KCNQ5: variants seen among roughly 807,000 people sequenced by gnomAD.
KCNQ5 encodes potassium voltage-gated channel subfamily Q member 5, also known as potassium voltage-gated channel subfamily KQT member 5.
Under a neutral mutation model 98.2 loss-of-function variants are expected in KCNQ5, and 30 were observed. The observed-to-expected ratio is 0.31, with a 90% confidence interval of 0.23 to 0.41. The LOEUF (loss-of-function observed/expected upper bound fraction) is 0.41. Among genes scored for constraint, KCNQ5 ranks in the 10% least tolerant of loss-of-function variants. The pLI, the probability that KCNQ5 is intolerant of heterozygous loss-of-function variation, is 1.00. For synonymous variants in KCNQ5, 458 were observed against 449.4 expected, an observed-to-expected ratio of 1.02 and a Z score of -0.24; for missense variants, 835 against 1,182.5, an observed-to-expected ratio of 0.71 and a Z score of 4.31.
At chr6:73,046,796 C>A (rs1771985657) in intron 3 of KCNQ5, among the ~76,000 whole-genome samples, 1 of 152,084 alleles carries the variant, frequency 6.6e-6, no homozygotes, top group Non-Finnish European at 1.5e-5. Context: ...GCACACGCCA[C>A]CACACCCAGC....
chr6:73,075,511 G>A (rs1444823629), intron 3 of KCNQ5, among the ~76,000 whole-genome samples: 1 of 152,130 alleles, frequency 6.6e-6, no homozygotes, highest in East Asian at 1.9e-4. Context: ...GTGAGCCACT[G>A]CGCCCAGCCT....
intron 1 of KCNQ5, among the ~76,000 whole-genome samples, chr6:72,973,038 T>A (rs1024775601): frequency 6.6e-6 from 1 of 152,222 alleles, no homozygotes; most frequent in African/African-American, 2.4e-5. Flanking sequence ...CAAATCTCCC[T>A]GGTTCACTAA....
chr6:72,681,658 T>G (rs2154473830), intron 1 of KCNQ5, among the ~76,000 whole-genome samples: 1 of 152,324 alleles, frequency 6.6e-6, no homozygotes, highest in East Asian at 1.9e-4. Flanking sequence ...AAACCTGTTT[T>G]GCCAGCTTTT....
intron 1 of KCNQ5, among the ~76,000 whole-genome samples, chr6:72,901,628 TG>T (rs1409849862): frequency 6.6e-6 from 1 of 152,322 alleles, no homozygotes; most frequent in East Asian, 1.9e-4. Flanking sequence ...TTTATGTTTT[TG>T]TTTGCTTTGT....
chr6:73,180,819 A>G (rs1003250360), intron 11 of KCNQ5, among the ~76,000 whole-genome samples: 2 of 152,060 alleles, frequency 1.3e-5, no homozygotes, highest in African/African-American at 4.8e-5. Flanking sequence ...CAGTCAATCA[A>G]ACTGCCTCTT....
chr6:72,804,954 T>G (rs1273028762), intron 1 of KCNQ5, among the ~76,000 whole-genome samples: 1 of 152,204 alleles, frequency 6.6e-6, no homozygotes, highest in Non-Finnish European at 1.5e-5. Context: ...GTTTGCAATT[T>G]GTATGTCTTC....
chr6:73,089,601 A>G (rs1317840612), intron 5 of KCNQ5, among the ~76,000 whole-genome samples: 4 of 152,084 alleles, frequency 2.6e-5, no homozygotes, highest in Non-Finnish European at 5.9e-5. Context: ...TCATTGTGAC[A>G]TTCTTATGCC....
intron 1 of KCNQ5, among the ~76,000 whole-genome samples, chr6:72,649,944 A>G (rs902249931): frequency 2.0e-5 from 3 of 152,154 alleles, no homozygotes; most frequent in African/African-American, 7.2e-5. Flanking sequence ...ATCCAAATAT[A>G]TTTAATACAA....
intron 10 of KCNQ5, among the ~76,000 whole-genome samples, chr6:73,151,196 AC>A (rs1379916688): frequency 6.6e-6 from 1 of 152,214 alleles, no homozygotes; most frequent in African/African-American, 2.4e-5. Flanking sequence ...GCCCTTTGTT[AC>A]AGAATATAAT....
At chr6:73,040,741 T>C (rs2150356743) in intron 2 of KCNQ5, among the ~76,000 whole-genome samples, 1 of 152,304 alleles carries the variant, frequency 6.6e-6, no homozygotes, top group South Asian at 2.1e-4. Flanking sequence ...GATAGAATGA[T>C]ATAGCTCTAC....
intron 1 of KCNQ5, among the ~76,000 whole-genome samples, chr6:72,825,601 G>A (rs1030241721): frequency 6.6e-6 from 1 of 152,160 alleles, no homozygotes; most frequent in East Asian, 1.9e-4. Flanking sequence ...GCATGACTTA[G>A]AATAACAGTT....
intron 1 of KCNQ5, among the ~76,000 whole-genome samples, chr6:72,972,199 C>T (rs1767937167): frequency 1.3e-5 from 2 of 151,934 alleles, no homozygotes; most frequent in Non-Finnish European, 2.9e-5. Flanking sequence ...ATCTGCCATG[C>T]CAGAAAGCCA....
intron 1 of KCNQ5, among the ~76,000 whole-genome samples, chr6:72,709,862 G>C (rs1428140633): frequency 6.6e-6 from 1 of 152,116 alleles, no homozygotes; most frequent in Non-Finnish European, 1.5e-5. Flanking sequence ...ATCTGTACTA[G>C]ATTTGTGGAA....
intron 10 of KCNQ5, among the ~76,000 whole-genome samples, chr6:73,167,803 T>C (rs1777860631): frequency 6.6e-6 from 1 of 152,162 alleles, no homozygotes; most frequent in Middle Eastern, 3.2e-3. Context: ...TGTCCTCACA[T>C]GGTAGAAAGA....
chr6:72,771,652 C>CTGTGTGTG (rs150518788), intron 1 of KCNQ5, among the ~76,000 whole-genome samples: 12,628 of 147,752 alleles, frequency 0.085, 567 homozygotes, highest in South Asian at 0.13. Context: ...AACCATTTCA[C>CTGTGTGTG]TGTGTGTGTG....
chr6:72,714,599 A>G (rs544995509), intron 1 of KCNQ5, among the ~76,000 whole-genome samples: 1 of 152,294 alleles, frequency 6.6e-6, no homozygotes, highest in South Asian at 2.1e-4. Flanking sequence ...AGGACATGAA[A>G]ATATCTTTTT....
chr6:72,895,146 G>C (rs1017723839), intron 1 of KCNQ5, among the ~76,000 whole-genome samples: 1 of 148,804 alleles, frequency 6.7e-6, no homozygotes, highest in African/African-American at 2.5e-5. Flanking sequence ...AAAATTAGCT[G>C]GGCGTGGTGG....
chr6:72,711,656 A>T (rs1769374301), intron 1 of KCNQ5, among the ~76,000 whole-genome samples: 1 of 152,150 alleles, frequency 6.6e-6, no homozygotes, highest in Admixed American at 6.5e-5. Flanking sequence ...TGGAGTAGGG[A>T]AAGTGTAGGT....
intron 1 of KCNQ5, among the ~76,000 whole-genome samples, chr6:72,747,571 G>A (rs1176107421): frequency 6.6e-6 from 1 of 152,006 alleles, no homozygotes; most frequent in Non-Finnish European, 1.5e-5. Flanking sequence ...TTCTCAGTCA[G>A]ACAATTCATT....
Sources: allele counts gnomAD v4.1 joint callset (sites outside exome capture counted in the v4.1 genomes callset), GRCh38; gene constraint gnomAD v4.1.1; transcripts MANE v1.5; gene names NCBI Gene and HGNC (gene_info 2026-07-23, HGNC 2026-07-21).